The following CLCN6 variants were observed in gnomAD, a reference collection of about 807,000 sequenced individuals.
CLCN6 encodes H(+)/Cl(-) exchange transporter 6.
A neutral mutation model predicts 109.8 loss-of-function variants in CLCN6; 70 were observed. The observed-to-expected ratio is 0.64, with a 90% CI of 0.53 to 0.78. The LOEUF is 0.78. Ranked by LOEUF, CLCN6 falls within the 30% of genes least tolerant of loss-of-function variation. The pLI is 0.00. For synonymous variants in CLCN6, 444 were observed against 447.8 expected, an observed-to-expected ratio of 0.99 and a Z score of 0.11; for missense variants, 984 against 1,142.3, an observed-to-expected ratio of 0.86 and a Z score of 2.00.
chr1:11,818,340 C>CAG (rs141456846), intron 4 of CLCN6, among the ~76,000 whole-genome samples: 5,629 of 152,174 alleles, frequency 0.037, 153 homozygotes, highest in Middle Eastern at 0.078. Context: ...ACACGATTCT[C>CAG]AGGAAATACT....
chr1:11,824,163 G>C (rs1455131275), intron 7 of CLCN6, among the ~76,000 whole-genome samples: 1 of 152,232 alleles, frequency 6.6e-6, no homozygotes, highest in Non-Finnish European at 1.5e-5. Context: ...CTCTTATGTA[G>C]ATGTTTATGT....
rs551382669 is a variant in CLCN6 at position 11,810,501 on chromosome 1, C to T, written c.147+3311C>T. On this transcript the variant is annotated intron_variant, in intron 2 of 22. Coordinates refer to ENST00000346436, the MANE Select transcript of CLCN6 (RefSeq NM_001286.5). ...GTTTTGGTGTGAACACTAAGATGCC[C>T]CTTCCTGGTTGAATTGGGGCTGGTT... Among the ~76,000 whole-genome samples the T allele has an allele frequency of 1.7e-4, 26 of 152,292 alleles. No individual in the cohort carries two copies. The South Asian group carries it at 5.2e-3, about 30-fold the overall frequency.
At chr1:11,833,681 A>G in intron 14 of CLCN6, 43 bp downstream of exon 14, 1 of 1,610,598 alleles carries the variant, frequency 6.2e-7, no homozygotes, top group Non-Finnish European at 8.5e-7. Context: ...GATTGGTGTC[A>G]TCTCGGACAC....
At position 11,836,099 on chromosome 1, in the gene CLCN6, C is replaced by T. The variant is rs372564902; in HGVS notation, c.1926C>T (p.Asn642=). Residue 642 remains asparagine (N), a synonymous_variant, in exon 18 of 23, where the codon AAC becomes AAT. Transcript: ENST00000346436. The stretch of plus-strand genomic sequence containing the variant: ...CGGTGGTCACAGAGAACCGCGGTAA[C>T]GAGAAGGAGTTCATGAAGGGCAACC... The part of the protein sequence containing the change: ...AFPVVTENRG[N]EKEFMKGNQL... 40 of 1,613,622 alleles carry T rather than the reference C, an allele frequency of 2.5e-5. No individual in the cohort carries two copies. Among genetic ancestry groups the T allele is most frequent in the Non-Finnish European group, 3.1e-5 (37 of 1,179,916 alleles).
intron 13 of CLCN6, 36 bp from the exon 14 acceptor site, chr1:11,833,479 T>C (rs571196748): frequency 6.2e-7 from 1 of 1,609,840 alleles, no homozygotes; most frequent in East Asian, 2.2e-5. Context: ...CAAAGTCAGG[T>C]GTCCTTGTAC....
At chr1:11,819,923 G>A (rs1403187994) in intron 5 of CLCN6, among the ~76,000 whole-genome samples, 4 of 152,144 alleles carry the variant, frequency 2.6e-5, no homozygotes, top group Non-Finnish European at 5.9e-5. Flanking sequence ...TGACAAGAAG[G>A]TGGACTTGAC....
At chr1:11,826,992 A>T in intron 9 of CLCN6, 97 bp from the exon 10 acceptor site, 1 of 1,475,710 alleles carries the variant, frequency 6.8e-7, no homozygotes, top group Non-Finnish European at 9.2e-7. Context: ...CTATTCATTC[A>T]CAGGTGTGAG....
Position 11,828,185 on chromosome 1 carries a change from A to T in CLCN6, c.920A>T (p.Gln307Leu), listed in dbSNP as rs760769936. 8 of 1,613,948 alleles carry T rather than the reference A, an allele frequency of 5.0e-6. No homozygotes were observed. In the African/African-American group the frequency reaches 5.3e-5, roughly 11 times the overall value. Residue 307 changes from glutamine (Q) to leucine (L), a missense_variant, in exon 11 of 23, where the codon CAG (glutamine) becomes CTG (leucine). Gln to Leu is a moderately radical substitution (Grantham distance 113). Transcript: ENST00000346436. Reference protein sequence around the residue: ...GIQFGSWGSFQLPGLLNFGEF... With the variant: ...GIQFGSWGSFLLPGLLNFGEF... ...CAGTTTGGAAGCTGGGGTTCCTTCC[A>T]GCTCCCTGGATTGCTGAACTTTGGC...
At position 11,836,993 on chromosome 1, in the gene CLCN6, C is replaced by T. The variant is rs779495758; in HGVS notation, c.1981-6C>T. 2 of 1,607,682 alleles carry T rather than the reference C, an allele frequency of 1.2e-6. No individual in the cohort carries two copies. The highest frequency in any genetic ancestry group is 2.2e-5 in the South Asian group (2 of 91,078). ...GCGCAGTAGCCTGTGGCCTCCCCAC[C>T]CACAGAAATCCAGCATCCTCACCCG... On this transcript the variant is annotated splice_region_variant and splice_polypyrimidine_tract_variant and intron_variant, in intron 18 of 22. Coordinates refer to ENST00000346436, the MANE Select transcript of CLCN6 (RefSeq NM_001286.5).
intron 17 of CLCN6, 103 bp from the exon 18 acceptor site, chr1:11,835,864 C>G (rs1296460990): frequency 3.3e-6 from 3 of 911,638 alleles, no homozygotes; most frequent in Non-Finnish European, 4.9e-6. Context: ...AAGAGCCCCC[C>G]ACCCCGCCCG....
intron 2 of CLCN6, among the ~76,000 whole-genome samples, chr1:11,811,384 A>ATTTT (rs112220577): frequency 1.4e-5 from 2 of 144,122 alleles, no homozygotes; most frequent in Non-Finnish European, 3.0e-5. Flanking sequence ...CCTACAGTCA[A>ATTTT]TTTTTTTTTT....
intron 10 of CLCN6, 119 bp downstream of exon 10, chr1:11,827,340 A>C: frequency 9.4e-7 from 1 of 1,066,130 alleles, no homozygotes; most frequent in Non-Finnish European, 1.3e-6. Context: ...GATCAGAAAC[A>C]GCTTTCCTCT....
At chr1:11,812,746 T>C (rs866476344) in intron 2 of CLCN6, among the ~76,000 whole-genome samples, 3 of 149,794 alleles carry the variant, frequency 2.0e-5, no homozygotes, top group African/African-American at 5.0e-5. Context: ...CCTGGAAATA[T>C]GGTGCTTTGA....
At chr1:11,836,770 T>A (rs198404) in intron 18 of CLCN6, among the ~76,000 whole-genome samples, 19,286 of 152,138 alleles carry the variant, frequency 0.13, 1,785 homozygotes, top group African/African-American at 0.26. Context: ...CTCTGGAGAA[T>A]CAAGCTGCTC....
In CLCN6 at chr1:11,837,415, C is replaced by A; in HGVS notation, c.2211C>A (p.Arg737=). Residue 737 remains arginine (R), a synonymous_variant, in exon 20 of 23, where the codon CGC becomes CGA. Transcript: ENST00000346436. ...SEDWTMEERF[R]PLTFHGLILR... ...ACTGGACCATGGAGGAGCGGTTCCG[C>A]CCTCTGACCTTCCACGGCCTGATCC... 6.2e-7 allele frequency: 1 copy of A among 1,614,156 alleles called. No individual in the cohort carries two copies. The highest frequency in any genetic ancestry group is 1.3e-5 in the African/African-American group (1 of 75,066).
rs1412675297 is a variant in CLCN6, at chr1:11,838,381, A to AC, written c.2345dup (p.Arg783AlafsTer74). On this transcript the variant is annotated frameshift_variant, in exon 21 of 23. Transcript: ENST00000346436. LOFTEE classifies it high-confidence loss of function. ...TCCTATGCCGAGATGGCCGAGGACTACCCGCGGTACCCCGACATCCACGAC... is the reference window on the plus strand; with the variant it reads ...TCCTATGCCGAGATGGCCGAGGACTACCCCGCGGTACCCCGACATCCACGAC... 1 of 1,613,838 alleles carries AC rather than the reference A, an allele frequency of 6.2e-7. No individual in the cohort carries two copies. Among genetic ancestry groups the AC allele is most frequent in the Non-Finnish European group, 8.5e-7 (1 of 1,180,022 alleles).
At chr1:11,816,026 T>C in intron 3 of CLCN6, 115 bp downstream of exon 3, 1 of 786,374 alleles carries the variant, frequency 1.3e-6, no homozygotes, top group South Asian at 1.5e-5. Flanking sequence ...AACCTTTTCA[T>C]GCGATACAGG....
chr1:11,817,656 A>G (rs1234612226), intron 4 of CLCN6, among the ~76,000 whole-genome samples: 2 of 152,224 alleles, frequency 1.3e-5, no homozygotes, highest in African/African-American at 4.8e-5. Flanking sequence ...CGGTCAGTAC[A>G]GTGTTGGGAT....
Position 11,823,788 on chromosome 1 carries a change from A to G in CLCN6, c.535A>G (p.Thr179Ala), listed in dbSNP as rs1644777454. The G allele has an allele frequency of 6.2e-7, 1 of 1,614,220 alleles. No individual in the cohort carries two copies. ...GGTGCCAGGAATCGTCCGTCTCCGG[A>G]CCCTGCTCTGCAAGGTCCTTGGAGT... ...VKVPGIVRLR[T>A]LLCKVLGVLF... The change falls in exon 7 of 23, where the codon ACC becomes GCC. Residue 179 changes from threonine to alanine, a missense_variant. Thr to Ala is a moderately conservative substitution (Grantham distance 58). Transcript: ENST00000346436.
Sources: gnomAD v4.1 joint callset for allele counts (sites outside exome capture counted in the v4.1 genomes callset) on GRCh38, gnomAD v4.1.1 for gene constraint, MANE v1.5 for transcripts, NCBI Gene and HGNC (gene_info 2026-07-23, HGNC 2026-07-21) for gene names.